FERMT2: variants seen among roughly 807,000 people sequenced by gnomAD.
The protein encoded by FERMT2 is FERM domain containing kindlin 2, also known as fermitin family homolog 2.
In FERMT2, 15 loss-of-function variants were observed where a neutral mutation model predicts 82.7. The observed-to-expected ratio is 0.18, with a 90% CI of 0.12 to 0.28. The LOEUF (loss-of-function observed/expected upper bound fraction) is 0.28, where lower values mean the gene tolerates loss of function less well. Ranked by LOEUF, FERMT2 falls within the 10% of genes least tolerant of loss-of-function variation. The probability of loss-of-function intolerance (pLI) is 1.00; values close to 1 mark genes in which losing one functional copy is unlikely to be tolerated. For missense variants in FERMT2, 645 were observed against 809.4 expected, an observed-to-expected ratio of 0.80 and a Z score of 2.46; for synonymous variants, 274 against 271.5, an observed-to-expected ratio of 1.01 and a Z score of -0.09.
At chr14:52,908,961 C>T (rs1442873205) in intron 3 of FERMT2, among the ~76,000 whole-genome samples, 1 of 152,122 alleles carries the variant, frequency 6.6e-6, no homozygotes, top group Non-Finnish European at 1.5e-5. Context: ...TTTCTCAGCC[C>T]TCTTGCTTGC....
intron 7 of FERMT2, among the ~76,000 whole-genome samples, chr14:52,877,860 G>C (rs1594940615): frequency 1.3e-5 from 2 of 152,014 alleles, no homozygotes; most frequent in African/African-American, 4.8e-5. Flanking sequence ...GGGAATACTT[G>C]CCAAAGCATT....
At chr14:52,902,413 AAGAG>A (rs1440167526) in intron 3 of FERMT2, among the ~76,000 whole-genome samples, 9 of 151,328 alleles carry the variant, frequency 5.9e-5, no homozygotes, top group African/African-American at 2.2e-4. Flanking sequence ...ACAAAAAAAA[AAGAG>A]AGAGAGAGAT....
intron 2 of FERMT2, among the ~76,000 whole-genome samples, chr14:52,925,171 T>C (rs1334781966): frequency 6.6e-6 from 1 of 152,166 alleles, no homozygotes; most frequent in Non-Finnish European, 1.5e-5. Context: ...ACAAATTGTA[T>C]ACACTGATGA....
At chr14:52,950,616 C>A in intron 1 of FERMT2, 39 bp from the exon 2 acceptor site, 5 of 1,594,772 alleles carry the variant, frequency 3.1e-6, no homozygotes, top group Non-Finnish European at 3.4e-6. Context: ...AAGCGTCACT[C>A]CCCCAAAGAA....
chr14:52,930,684 G>C (rs1055221768), intron 2 of FERMT2, among the ~76,000 whole-genome samples: 1 of 152,056 alleles, frequency 6.6e-6, no homozygotes, highest in Admixed American at 6.5e-5. Context: ...GTTGTCTTAG[G>C]CCTGGGTTTC....
chr14:52,914,293 C>T (rs1888494007), intron 3 of FERMT2, among the ~76,000 whole-genome samples: 1 of 151,500 alleles, frequency 6.6e-6, no homozygotes, highest in African/African-American at 2.4e-5. Flanking sequence ...CTATTTGAGC[C>T]CAGGAGGTCA....
rs903389343 is a variant in FERMT2 at position 52,875,245 on chromosome 14, C to G, written c.1076G>C (p.Gly359Ala). The G allele has an allele frequency of 5.0e-6, 8 of 1,609,030 alleles. No individual in the cohort carries two copies. Among genetic ancestry groups the G allele is most frequent in the Non-Finnish European group, 6.8e-6 (8 of 1,178,566 alleles). ...TACCAAAATTGTTGACGTTTTACCC[C>G]CTTCCAGAGTAATCTCCAGGTCTGA... ...ALSDLEITLEGGKTSTILGDI... is the reference protein window; with the variant it reads ...ALSDLEITLEAGKTSTILGDI... The change falls in exon 8 of 15, where the codon GGG (glycine) becomes GCG (alanine). Residue 359 changes from glycine to alanine, a missense_variant. Physicochemically the swap from Gly to Ala is moderately conservative, Grantham distance 60 (BLOSUM62 0). Coordinates refer to ENST00000341590, the MANE Select transcript of FERMT2 (RefSeq NM_006832.3).
intron 10 of FERMT2, among the ~76,000 whole-genome samples, chr14:52,869,406 A>T (rs780545623): frequency 1.3e-5 from 2 of 152,226 alleles, no homozygotes; most frequent in Non-Finnish European, 2.9e-5. Flanking sequence ...ACTGTGTTGA[A>T]ATACGGTAAA....
At chr14:52,942,332 T>C (rs2139701260) in intron 2 of FERMT2, among the ~76,000 whole-genome samples, 1 of 149,448 alleles carries the variant, frequency 6.7e-6, no homozygotes, top group Non-Finnish European at 1.5e-5. Context: ...AGATGGAGTC[T>C]TGCTCTGTCA....
At chr14:52,893,776 G>A (rs12884504) in intron 3 of FERMT2, among the ~76,000 whole-genome samples, 117,654 of 151,728 alleles carry the variant, frequency 0.78, 47,949 homozygotes, top group Non-Finnish European at 0.89. Context: ...TAAGGTACAC[G>A]TGATAAATGA....
chr14:52,897,994 A>AAAAAC (rs1555369658), intron 3 of FERMT2, among the ~76,000 whole-genome samples: 1 of 147,388 alleles, frequency 6.8e-6, no homozygotes. Context: ...AAAAAAAAAA[A>AAAAAC]CAACCAAAAA....
intron 3 of FERMT2, among the ~76,000 whole-genome samples, chr14:52,898,345 T>C (rs1887420841): frequency 1.3e-5 from 2 of 152,146 alleles, no homozygotes; most frequent in Non-Finnish European, 2.9e-5. Flanking sequence ...AAAAATCAAA[T>C]ATTTTCTTCA....
chr14:52,901,945 CCTT>C (rs1370392119), intron 3 of FERMT2, among the ~76,000 whole-genome samples: 7 of 152,246 alleles, frequency 4.6e-5, no homozygotes, highest in African/African-American at 1.7e-4. Context: ...CACCAACAAA[CCTT>C]CTAACAGGAA....
chr14:52,897,539 T>A (rs904311385), intron 3 of FERMT2, among the ~76,000 whole-genome samples: 1 of 152,220 alleles, frequency 6.6e-6, no homozygotes, highest in African/African-American at 2.4e-5. Context: ...TGGGAGCAAT[T>A]ACTGCAAACC....
chr14:52,868,549 G>A (rs145156646), intron 10 of FERMT2, among the ~76,000 whole-genome samples: 8 of 152,114 alleles, frequency 5.3e-5, no homozygotes, highest in Admixed American at 1.3e-4. Flanking sequence ...ACAGTTTGTG[G>A]CACAGGAGTT....
chr14:52,942,306 C>CA (rs1890125938), intron 2 of FERMT2, among the ~76,000 whole-genome samples: 2 of 138,788 alleles, frequency 1.4e-5, no homozygotes, highest in South Asian at 4.6e-4. Flanking sequence ...TTTTCTTTTT[C>CA]TTTTTTTTTT....
At chr14:52,874,138 C>T in intron 9 of FERMT2, 39 bp downstream of exon 9, 5 of 1,330,520 alleles carry the variant, frequency 3.8e-6, no homozygotes, top group Non-Finnish European at 5.3e-6. Flanking sequence ...ATAAAGCTGA[C>T]AGTTATTAAT....
chr14:52,905,540 T>C (rs542228149), intron 3 of FERMT2, among the ~76,000 whole-genome samples: 82 of 152,260 alleles, frequency 5.4e-4, no homozygotes, highest in African/African-American at 2.0e-3. Context: ...TGGTGGCGAA[T>C]AGACTACCGG....
chr14:52,879,658 C>CTGTT (rs749151714), intron 6 of FERMT2, among the ~76,000 whole-genome samples: 2 of 151,916 alleles, frequency 1.3e-5, no homozygotes, highest in Non-Finnish European at 2.9e-5. Context: ...AGAGATTTTA[C>CTGTT]TGTTGTATAA....
Sources: allele counts gnomAD v4.1 joint callset (sites outside exome capture counted in the v4.1 genomes callset), GRCh38; gene constraint gnomAD v4.1.1; transcripts MANE v1.5; gene names NCBI Gene and HGNC (gene_info 2026-07-23, HGNC 2026-07-21).